The following GIMAP8 variants were observed in gnomAD, a reference collection of about 807,000 sequenced individuals.
GIMAP8 encodes GTPase, IMAP family member 8.
GIMAP8 carries 29 observed loss-of-function variants against 35.6 expected under a neutral mutation model. The ratio of observed to expected loss-of-function variants is 0.81; its 90% CI spans 0.61 to 1.11. The LOEUF (loss-of-function observed/expected upper bound fraction) is 1.11. Among genes scored for constraint, GIMAP8 ranks in the 50% most tolerant of loss-of-function variants. GIMAP8 has a pLI of 0.00. For missense variants in GIMAP8, 811 were observed against 805.0 expected (o/e 1.01, Z -0.09); for synonymous variants, 335 against 308.7 (o/e 1.09, Z -0.89).
At chr7:150,475,338 T>C (rs117489378) in intron 4 of GIMAP8, among the ~76,000 whole-genome samples, 47 of 152,356 alleles carry the variant, frequency 3.1e-4, no homozygotes, top group Non-Finnish European at 6.3e-4. Context: ...AGGTCTGTTC[T>C]ATGGACTAAC....
chr7:150,477,488 A>C lies in GIMAP8; in HGVS notation c.1706A>C (p.Asp569Ala). 6.2e-7 allele frequency: 1 copy of C among 1,614,168 alleles called. No individual in the cohort carries two copies. Among genetic ancestry groups the C allele is most frequent in the Non-Finnish European group, 8.5e-7 (1 of 1,180,026 alleles). ...YAIMLFTRKEDLGAGNLEDFM... is the reference protein window; with the variant it reads ...YAIMLFTRKEALGAGNLEDFM... ...ATTATGCTGTTCACCCGGAAGGAAG[A>C]CCTAGGGGCGGGGAATTTGGAAGAC... Residue 569 changes from aspartate to alanine, a missense_variant, in exon 5 of 5, where the codon GAC becomes GCC. Transcript: ENST00000307271.
rs769540780 is a variant in GIMAP8 at position 150,468,670 on chromosome 7, G to A, written c.636+1336G>A. On this transcript the variant is annotated intron_variant, in intron 2 of 4. Coordinates refer to ENST00000307271, the MANE Select transcript of GIMAP8 (RefSeq NM_175571.4). ...CATGTATGCTTGTATGTATTTGTAT[G>A]AACATAGAAAAAGTTAGAAGGATAT... 4.0e-4 allele frequency among the ~76,000 whole-genome samples: 61 copies of A among 152,160 alleles called. 1 individual carries two copies. The highest frequency in any genetic ancestry group is 1.4e-3 in the African/African-American group (58 of 41,430).
intron 4 of GIMAP8, among the ~76,000 whole-genome samples, chr7:150,475,010 T>C: frequency 6.6e-6 from 1 of 152,188 alleles, no homozygotes; most frequent in Non-Finnish European, 1.5e-5. Flanking sequence ...TTACTGAGAA[T>C]GATGATTTCC....
chr7:150,471,021 C>A (rs1802079731), intron 3 of GIMAP8, 147 bp downstream of exon 3: 1 of 660,152 alleles, frequency 1.5e-6, no homozygotes, highest in Admixed American at 2.4e-5. Context: ...AAGCTATCCC[C>A]TAGGAAACTC....
chr7:150,475,054 T>C (rs980405181), intron 4 of GIMAP8, among the ~76,000 whole-genome samples: 1 of 152,220 alleles, frequency 6.6e-6, no homozygotes, highest in African/African-American at 2.4e-5. Flanking sequence ...GGACATGAAC[T>C]CATCATTTTT....
Position 150,467,127 on chromosome 7 carries a change from G to T in GIMAP8, c.429G>T (p.Leu143Phe), listed in dbSNP as rs1411866854. The T allele has an allele frequency of 1.2e-6, 2 of 1,614,050 alleles. No homozygotes were observed. The highest frequency in any genetic ancestry group is 2.7e-5 in the African/African-American group (2 of 74,912). ...FTRKDDLGDDLLQDFIEKNKP... is the reference protein window; with the variant it reads ...FTRKDDLGDDFLQDFIEKNKP... ...GGAAGGATGATTTGGGGGATGACTT[G>T]CTGCAAGATTTCATTGAAAAAAACA... Residue 143 changes from leucine (L) to phenylalanine (F), a missense_variant, in exon 2 of 5, where the codon TTG becomes TTT. Transcript: ENST00000307271.
chr7:150,474,241 G>A lies in GIMAP8; in HGVS notation c.912G>A (p.Pro304=), dbSNP rs768970689. 97 of 1,614,002 alleles carry A rather than the reference G, an allele frequency of 6.0e-5. No individual in the cohort carries two copies. The highest frequency in any genetic ancestry group is 7.5e-5 in the Non-Finnish European group (88 of 1,180,024). Residue 304 remains proline, a synonymous_variant, in exon 4 of 5, where the codon CCG becomes CCA. Transcript: ENST00000307271. ...RKKKVSIIDA[P]DISSLKNIDS... ...AGAAAGTTTCGATCATTGATGCTCC[G>A]GACATCTCATCTTTAAAGAACATTG...
At chr7:150,470,924 T>A in intron 3 of GIMAP8, 50 bp downstream of exon 3, 2 of 1,301,788 alleles carry the variant, frequency 1.5e-6, no homozygotes, top group Non-Finnish European at 2.2e-6. Context: ...TTCTTTTGAA[T>A]GCATTCTGCA....
chr7:150,455,152 A>C (rs1801701755), intron 1 of GIMAP8, among the ~76,000 whole-genome samples: 1 of 151,644 alleles, frequency 6.6e-6, no homozygotes, highest in Non-Finnish European at 1.5e-5. Context: ...AAAAAAAAAA[A>C]AAACCAAAAA....
At chr7:150,462,229 C>T (rs1240333580) in intron 1 of GIMAP8, among the ~76,000 whole-genome samples, 2 of 152,176 alleles carry the variant, frequency 1.3e-5, no homozygotes, top group Non-Finnish European at 2.9e-5. Flanking sequence ...ATTTTCACTT[C>T]TTTTGTGGAT....
chr7:150,474,511 C>G lies in GIMAP8; in HGVS notation c.1182C>G (p.Asn394Lys). The change falls in exon 4 of 5, where the codon AAC becomes AAG. Residue 394 changes from asparagine to lysine, a missense_variant. Physicochemically the swap from Asn to Lys is moderately conservative, Grantham distance 94. Transcript: ENST00000307271. Reference protein sequence around the residue: ...ALYGLIQKCKNRYSAFNYRAT... With the variant: ...ALYGLIQKCKKRYSAFNYRAT... ...ATGGTCTCATCCAGAAGTGTAAAAA[C>G]AGATATAGTGCCTTCAACTACCGGG... 1 of 1,613,958 alleles carries G rather than the reference C, an allele frequency of 6.2e-7. No individual in the cohort carries two copies.
chr7:150,470,497 C>T (rs374293050), intron 2 of GIMAP8, among the ~76,000 whole-genome samples: 5 of 151,926 alleles, frequency 3.3e-5, no homozygotes, highest in South Asian at 2.1e-4. Context: ...GGGTGGGGAA[C>T]GGGATTCCAA....
In GIMAP8 at chr7:150,466,740, C is replaced by T; in HGVS notation, c.42C>T (p.Leu14=). Residue 14 remains leucine (L), a synonymous_variant, in exon 2 of 5, where the codon CTC becomes CTT. Transcript: ENST00000307271. ...QSCQMSELRL[L]LLGKCRSGKS... ...GCCAGATGTCCGAACTGCGGCTCCT[C>T]CTCCTGGGAAAATGCCGCTCGGGAA... 1.2e-6 allele frequency: 2 copies of T among 1,614,210 alleles called. No homozygotes were observed. The highest frequency in any genetic ancestry group is 2.7e-5 in the African/African-American group (2 of 75,064).
intron 3 of GIMAP8, among the ~76,000 whole-genome samples, chr7:150,471,104 A>G (rs1802081218): frequency 6.6e-6 from 1 of 152,122 alleles, no homozygotes. Flanking sequence ...ACTTTTCTGA[A>G]GTGTTACAGA....
chr7:150,457,553 A>G (rs1391917541), intron 1 of GIMAP8, among the ~76,000 whole-genome samples: 1 of 152,248 alleles, frequency 6.6e-6, no homozygotes, highest in Non-Finnish European at 1.5e-5. Flanking sequence ...GACTGTGAAA[A>G]GATCTATGAG....
Position 150,467,189 on chromosome 7 carries a change from G to C in GIMAP8, c.491G>C (p.Arg164Pro). ...CAGTTGGTTCAAGACTATGAGGGCCGATACTGCATTTTCAACAACAAGACC... is the reference window on the plus strand; with the variant it reads ...CAGTTGGTTCAAGACTATGAGGGCCCATACTGCATTTTCAACAACAAGACC... ...LKQLVQDYEG[R>P]YCIFNNKTNS... Residue 164 changes from arginine to proline, a missense_variant, in exon 2 of 5, where the codon CGA (arginine) becomes CCA (proline). Transcript: ENST00000307271. The C allele has an allele frequency of 6.2e-7, 1 of 1,614,192 alleles. No homozygotes were observed. Among genetic ancestry groups the C allele is most frequent in the African/African-American group, 1.3e-5 (1 of 75,048 alleles).
chr7:150,461,800 G>A (rs991561755), intron 1 of GIMAP8, among the ~76,000 whole-genome samples: 2 of 152,172 alleles, frequency 1.3e-5, no homozygotes, highest in Non-Finnish European at 2.9e-5. Flanking sequence ...GGTTGTTACT[G>A]ATAGATGAAC....
intron 1 of GIMAP8, among the ~76,000 whole-genome samples, chr7:150,459,323 A>G (rs1401237329): frequency 2.6e-5 from 4 of 152,224 alleles, no homozygotes; most frequent in Non-Finnish European, 4.4e-5. Context: ...AGGAGCCCAA[A>G]GTGGCCAGGT....
At position 150,452,547 on chromosome 7, in the gene GIMAP8, C is replaced by A. The variant is rs563577569; in HGVS notation, c.-29+1372C>A. 2.1e-5 allele frequency among the ~76,000 whole-genome samples: 3 copies of A among 143,258 alleles called. No individual in the cohort carries two copies. In the East Asian group the frequency reaches 5.8e-4, roughly 28 times the overall value. The allele number at this position is 143,258 out of a possible 152,430, so 94.0% of individuals were successfully genotyped here. ...CTTAAATTAATTTACAGAGACATCT[C>A]ACTTCACTTGCATATATATGTGTGT... On this transcript the variant is annotated intron_variant, in intron 1 of 4. Transcript: ENST00000307271.
Sources: allele counts gnomAD v4.1 joint callset (sites outside exome capture counted in the v4.1 genomes callset), GRCh38; gene constraint gnomAD v4.1.1; transcripts MANE v1.5; gene names NCBI Gene and HGNC (gene_info 2026-07-23, HGNC 2026-07-21).